Variants in ZMIZ1 observed in about 807,000 individuals in gnomAD.
ZMIZ1 encodes the protein zinc finger MIZ-type containing 1.
In ZMIZ1, 17 loss-of-function variants were observed where a neutral mutation model predicts 113.9. That is an observed-to-expected ratio of 0.15 (90% CI 0.10 to 0.22). ZMIZ1 has a LOEUF of 0.22. Ranked by LOEUF, ZMIZ1 falls within the 10% of genes least tolerant of loss-of-function variation. The probability of loss-of-function intolerance (pLI) is 1.00; values close to 1 mark genes in which losing one functional copy is unlikely to be tolerated. For synonymous variants in ZMIZ1, 607 were observed against 603.1 expected, an observed-to-expected ratio of 1.01 and a Z score of -0.09; for missense variants, 1,059 against 1,477.8, an observed-to-expected ratio of 0.72 and a Z score of 4.65.
In ZMIZ1 at chr10:79,130,456, T is replaced by C. The variant is rs960172279; in HGVS notation, c.-226-9226T>C. On this transcript the variant is annotated intron_variant, in intron 2 of 24. Transcript: ENST00000334512. The stretch of plus-strand genomic sequence containing the variant: ...AGCCTGCAGCAGAGCTGCAGCCAGG[T>C]GCCAAATGGATGCAGTGCCCCTGCC... Among the ~76,000 whole-genome samples, 98 of 152,268 alleles carry C rather than the reference T, an allele frequency of 6.4e-4. 1 individual carries two copies. The highest frequency in any genetic ancestry group is 2.3e-3 in the African/African-American group (95 of 41,548).
intron 7 of ZMIZ1, chr10:79,216,543 TGCTACAG>T: frequency 3.2e-6 from 1 of 314,108 alleles, no homozygotes; most frequent in Non-Finnish European, 5.9e-6. Context: ...GTAGGCACTG[TGCTACAG>T]GCAGGACCAG....
chr10:79,290,798 C>T (rs1423664664), intron 9 of ZMIZ1, 161 bp from the exon 10 acceptor site: 4 of 833,482 alleles, frequency 4.8e-6, no homozygotes, highest in South Asian at 2.9e-5. Context: ...TCCTTATCAC[C>T]GGTACACTCA....
At chr10:79,161,372 C>T (rs936103774) in intron 3 of ZMIZ1, among the ~76,000 whole-genome samples, 3 of 152,208 alleles carry the variant, frequency 2.0e-5, no homozygotes, top group African/African-American at 7.2e-5. Context: ...CTGTCCCTGG[C>T]CCCTGGTCTC....
rs186122881 is a variant in ZMIZ1, at chr10:79,129,290, C to G, written c.-227+10266C>G. 1.5e-3 allele frequency among the ~76,000 whole-genome samples: 236 copies of G among 152,334 alleles called. 2 individuals are homozygous for G. The highest frequency in any genetic ancestry group is 5.7e-3 in the African/African-American group (235 of 41,576). On this transcript the variant is annotated intron_variant, in intron 2 of 24. Transcript: ENST00000334512. ...GCATCAGCCCCACTAGGGTGGCCGT[C>G]CAGATTGCCTGGGACCGTCCTGGTT...
chr10:79,141,384 A>G (rs1292702848), intron 3 of ZMIZ1, among the ~76,000 whole-genome samples: 1 of 152,174 alleles, frequency 6.6e-6, no homozygotes, highest in Non-Finnish European at 1.5e-5. Context: ...TTTTAAGAAG[A>G]CAAATTTAGC....
chr10:79,218,419 GAGT>G (rs1208595364), intron 7 of ZMIZ1, among the ~76,000 whole-genome samples: 22 of 152,106 alleles, frequency 1.4e-4, no homozygotes, highest in African/African-American at 5.1e-4. Context: ...AGGTTGCAGT[GAGT>G]CAAGATCGAG....
intron 7 of ZMIZ1, among the ~76,000 whole-genome samples, chr10:79,243,192 G>C (rs1017980638): frequency 4.6e-5 from 7 of 151,116 alleles, no homozygotes; most frequent in African/African-American, 1.7e-4. Flanking sequence ...AGGGTGGGTG[G>C]TCACGCCCGC....
intron 6 of ZMIZ1, among the ~76,000 whole-genome samples, chr10:79,209,789 A>C (rs1238971445): frequency 6.6e-6 from 1 of 152,214 alleles, no homozygotes; most frequent in Non-Finnish European, 1.5e-5. Flanking sequence ...CAGAGGAGGA[A>C]ACTGAGACTT....
Position 79,183,358 on chromosome 10 carries a change from G to GCACACACACA in ZMIZ1, c.-49-18210_-49-18201dup, listed in dbSNP as rs57212618. Among the ~76,000 whole-genome samples, 546 of 150,804 alleles carry GCACACACACA rather than the reference G, an allele frequency of 3.6e-3. 1 individual carries two copies. The highest frequency in any genetic ancestry group is 0.013 in the African/African-American group (521 of 41,178). ...GCACAGGCCTGAGGCTCGTGCACGCGCACACACACACACACACACACACAC... is the reference window on the plus strand; with the variant it reads ...GCACAGGCCTGAGGCTCGTGCACGCGCACACACACACACACACACACACACACACACACAC... On this transcript the variant is annotated intron_variant, in intron 4 of 24. Transcript: ENST00000334512.
intron 2 of ZMIZ1, among the ~76,000 whole-genome samples, chr10:79,124,665 G>A (rs1844438377): frequency 6.6e-6 from 1 of 152,244 alleles, no homozygotes; most frequent in Non-Finnish European, 1.5e-5. Context: ...GGTAGGTGCA[G>A]CTCTTTCCTC....
At chr10:79,150,598 C>T (rs1018553246) in intron 3 of ZMIZ1, among the ~76,000 whole-genome samples, 1 of 152,234 alleles carries the variant, frequency 6.6e-6, no homozygotes, top group Non-Finnish European at 1.5e-5. Context: ...GTCACTCAGC[C>T]ACTCTGGGTC....
intron 13 of ZMIZ1, 25 bp from the exon 14 acceptor site, chr10:79,297,588 A>G (rs369867089): frequency 3.1e-6 from 5 of 1,607,070 alleles, no homozygotes; most frequent in Admixed American, 1.7e-5. Flanking sequence ...CCCCCCACTC[A>G]GTGTTGTTTA....
Position 79,315,515 on chromosome 10 carries a change from G to A in ZMIZ1, c.*2766G>A, listed in dbSNP as rs191759777. On this transcript the variant is annotated 3_prime_UTR_variant, in exon 25 of 25. Transcript: ENST00000334512. ...ACAGGCATGTTTCTGCCGCCACTCC[G>A]CAAGATGGACAGGGAGCCAGCAGGC... is the stretch of plus-strand genomic sequence containing the variant. The A allele has an allele frequency of 6.6e-3, 1,016 of 152,950 alleles. 5 individuals are homozygous for A. Among genetic ancestry groups the A allele is most frequent in the Non-Finnish European group, 0.011 (770 of 68,082 alleles). The allele number at this position is 152,950 out of a possible 1,614,324, so 9.5% of individuals were successfully genotyped here. A position where few individuals can be genotyped will look rare whatever the true frequency, so the allele number is the denominator to read the frequency against.
Position 79,312,763 on chromosome 10 carries a change from G to T in ZMIZ1, c.*14G>T. ...GAGAACAACTGAGGGCCACCCGGTCGGGGCCATCCCTCCACACTCTGCATC... is the reference window on the plus strand; with the variant it reads ...GAGAACAACTGAGGGCCACCCGGTCTGGGCCATCCCTCCACACTCTGCATC... On this transcript the variant is annotated 3_prime_UTR_variant, in exon 25 of 25. Transcript: ENST00000334512. 1 of 1,611,836 alleles carries T rather than the reference G, an allele frequency of 6.2e-7. No homozygotes were observed. Among genetic ancestry groups the T allele is most frequent in the Non-Finnish European group, 8.5e-7 (1 of 1,177,956 alleles).
chr10:79,152,050 G>A (rs1169000517), intron 3 of ZMIZ1, among the ~76,000 whole-genome samples: 1 of 152,210 alleles, frequency 6.6e-6, no homozygotes, highest in Non-Finnish European at 1.5e-5. Context: ...GTAGTCAGGG[G>A]ACCGGGCTCT....
At chr10:79,151,865 G>A (rs1156738707) in intron 3 of ZMIZ1, among the ~76,000 whole-genome samples, 1 of 152,190 alleles carries the variant, frequency 6.6e-6, no homozygotes, top group African/African-American at 2.4e-5. Context: ...TGGAGTCACG[G>A]GCTGGGTGGC....
chr10:79,204,042 C>T (rs879498144), intron 5 of ZMIZ1, among the ~76,000 whole-genome samples: 1 of 152,246 alleles, frequency 6.6e-6, no homozygotes, highest in Non-Finnish European at 1.5e-5. Context: ...TCAGTGCTGA[C>T]ATCTGTCTGC....
intron 7 of ZMIZ1, among the ~76,000 whole-genome samples, chr10:79,242,587 G>A (rs1009779469): frequency 4.7e-5 from 3 of 63,734 alleles, no homozygotes; most frequent in Non-Finnish European, 9.3e-5. Context: ...GCCCCCTCCA[G>A]TTCAGCTCCC....
chr10:79,218,953 C>T (rs117371610), intron 7 of ZMIZ1, among the ~76,000 whole-genome samples: 187 of 151,712 alleles, frequency 1.2e-3, no homozygotes, highest in Admixed American at 7.5e-3. Flanking sequence ...TTGGAGGTCA[C>T]AGTCTTTGTC....
Sources: allele counts gnomAD v4.1 joint callset (sites outside exome capture counted in the v4.1 genomes callset), GRCh38; gene constraint gnomAD v4.1.1; transcripts MANE v1.5; gene names NCBI Gene and HGNC (gene_info 2026-07-23, HGNC 2026-07-21).